The following PDE1A variants were observed in gnomAD, a reference collection of about 807,000 sequenced individuals.
The protein encoded by PDE1A is dual specificity calcium/calmodulin-dependent 3',5'-cyclic nucleotide phosphodiesterase 1A.
In PDE1A, 35 loss-of-function variants were observed where a neutral mutation model predicts 61.7. The observed-to-expected ratio is 0.57, with a 90% CI of 0.43 to 0.75. The LOEUF (loss-of-function observed/expected upper bound fraction) is 0.75, where lower values mean the gene tolerates loss of function less well. PDE1A is among the 30% of genes least tolerant of loss of function. The pLI is 0.00. For synonymous variants in PDE1A, 232 were observed against 213.2 expected, an observed-to-expected ratio of 1.09 and a Z score of -0.77; for missense variants, 597 against 630.6, an observed-to-expected ratio of 0.95 and a Z score of 0.57.
chr2:182,557,295 A>G, the PDE1A span, among the ~76,000 whole-genome samples: 1 of 152,334 alleles, frequency 6.6e-6, no homozygotes, highest in East Asian at 1.9e-4. Flanking sequence ...TATTTATTTC[A>G]GATCATTAAA....
the PDE1A span, among the ~76,000 whole-genome samples, chr2:182,556,303 G>A: frequency 1.3e-5 from 2 of 152,184 alleles, no homozygotes; most frequent in Non-Finnish European, 2.9e-5. Flanking sequence ...AGATCTGAAA[G>A]ATAATTTGGC....
chr2:182,454,302 A>G (rs1232486256), intron 2 of PDE1A, among the ~76,000 whole-genome samples: 1 of 152,146 alleles, frequency 6.6e-6, no homozygotes, highest in Non-Finnish European at 1.5e-5. Context: ...TTCCATGCTC[A>G]TGGGTAGGAA....
At chr2:182,258,165 C>T (rs1251955898) in intron 2 of PDE1A, among the ~76,000 whole-genome samples, 2 of 149,776 alleles carry the variant, frequency 1.3e-5, no homozygotes, top group African/African-American at 4.9e-5. Flanking sequence ...GAGACTCCAT[C>T]TCGAAAAAAA....
intron 7 of PDE1A, among the ~76,000 whole-genome samples, chr2:182,222,505 C>T (rs759548468): frequency 3.3e-5 from 5 of 151,858 alleles, no homozygotes; most frequent in Non-Finnish European, 7.4e-5. Flanking sequence ...ACCCATAGAA[C>T]CCATAATGCA....
chr2:182,698,800 T>C, the PDE1A span, among the ~76,000 whole-genome samples: 6 of 152,316 alleles, frequency 3.9e-5, no homozygotes, highest in Middle Eastern at 0.017. Context: ...ACATAGTCTA[T>C]CACCAAGGCA....
chr2:182,712,713 C>T, the PDE1A span, among the ~76,000 whole-genome samples: 3 of 152,188 alleles, frequency 2.0e-5, no homozygotes, highest in East Asian at 5.8e-4. Flanking sequence ...CCCACCACCA[C>T]GCCTGGCTAA....
At chr2:182,483,673 G>A (rs1687838261) in intron 2 of PDE1A, among the ~76,000 whole-genome samples, 1 of 151,688 alleles carries the variant, frequency 6.6e-6, no homozygotes, top group African/African-American at 2.4e-5. Flanking sequence ...AGCTGTCAAT[G>A]TAAATACTAA....
At chr2:182,148,266 G>T (rs1363208215) in intron 13 of PDE1A, among the ~76,000 whole-genome samples, 1 of 152,132 alleles carries the variant, frequency 6.6e-6, no homozygotes, top group Non-Finnish European at 1.5e-5. Flanking sequence ...CAGAAATGTT[G>T]CCTGTGTGTG....
chr2:182,534,361 T>A, the PDE1A span, among the ~76,000 whole-genome samples: 1 of 152,020 alleles, frequency 6.6e-6, no homozygotes, highest in Non-Finnish European at 1.5e-5. Flanking sequence ...CAAATTTGCA[T>A]AGAAAACATA....
upstream of PDE1A, among the ~76,000 whole-genome samples, chr2:182,527,318 AAAAAAAAAAATATATATATATATATAT>A (rs1559543354): frequency 4.1e-5 from 2 of 48,606 alleles, no homozygotes; most frequent in African/African-American, 1.7e-4. Context: ...AAAAAAAAAA[AAAAAAAAAAATATATATATATATATAT>A]ATATATATAT....
At chr2:182,187,979 G>A (rs970594733) in intron 11 of PDE1A, among the ~76,000 whole-genome samples, 3 of 150,784 alleles carry the variant, frequency 2.0e-5, no homozygotes, top group East Asian at 1.9e-4. Context: ...CTCCTGACCC[G>A]AGATCTACCT....
At chr2:182,264,694 C>T (rs1345817889) in intron 1 of PDE1A, among the ~76,000 whole-genome samples, 1 of 150,444 alleles carries the variant, frequency 6.6e-6, no homozygotes, top group African/African-American at 2.4e-5. Flanking sequence ...AAATTCAAGA[C>T]AATATAGACA....
intron 6 of PDE1A, among the ~76,000 whole-genome samples, chr2:182,227,563 T>C (rs1184384928): frequency 6.6e-6 from 1 of 152,076 alleles, no homozygotes; most frequent in Non-Finnish European, 1.5e-5. Flanking sequence ...ATTAATTAAT[T>C]AAGGTATGTT....
the PDE1A span, among the ~76,000 whole-genome samples, chr2:182,615,101 C>G: frequency 6.6e-6 from 1 of 152,154 alleles, no homozygotes; most frequent in Non-Finnish European, 1.5e-5. Flanking sequence ...GCCATTTTCA[C>G]CATTTCCTAA....
At chr2:182,392,474 A>T (rs144990282) in intron 1 of PDE1A, among the ~76,000 whole-genome samples, 1 of 152,338 alleles carries the variant, frequency 6.6e-6, no homozygotes, top group African/African-American at 2.4e-5. Flanking sequence ...AAATCACATC[A>T]TTCTGCCCCT....
intron 1 of PDE1A, among the ~76,000 whole-genome samples, chr2:182,391,488 AC>A (rs1198922425): frequency 6.6e-6 from 1 of 152,168 alleles, no homozygotes; most frequent in Non-Finnish European, 1.5e-5. Context: ...GTCACTTTAG[AC>A]CTACTCATCC....
At chr2:182,639,655 T>C in the PDE1A span, among the ~76,000 whole-genome samples, 2 of 151,908 alleles carry the variant, frequency 1.3e-5, no homozygotes. Flanking sequence ...GTAAGAGATA[T>C]TGACATATTT....
At chr2:182,678,226 C>G in the PDE1A span, among the ~76,000 whole-genome samples, 2 of 152,130 alleles carry the variant, frequency 1.3e-5, no homozygotes, top group South Asian at 4.2e-4. Flanking sequence ...GGTTTGAGAC[C>G]AGTCTGGCCA....
At chr2:182,563,103 G>T in the PDE1A span, among the ~76,000 whole-genome samples, 1 of 152,034 alleles carries the variant, frequency 6.6e-6, no homozygotes, top group African/African-American at 2.4e-5. Flanking sequence ...GCTAACTTTT[G>T]AATGTGTTTG....
Sources: allele counts gnomAD v4.1 joint callset (sites outside exome capture counted in the v4.1 genomes callset), GRCh38; gene constraint gnomAD v4.1.1; transcripts MANE v1.5; gene names NCBI Gene and HGNC (gene_info 2026-07-23, HGNC 2026-07-21).